The following KIF16B variants were observed in gnomAD, a reference collection of about 807,000 sequenced individuals.
KIF16B encodes the protein kinesin-like protein KIF16B.
In KIF16B, 98 loss-of-function variants were observed where a neutral mutation model predicts 156.3. The observed-to-expected ratio is 0.63, with a 90% CI of 0.53 to 0.74. The LOEUF is 0.74. Ranked by LOEUF, KIF16B falls within the 30% of genes least tolerant of loss-of-function variation. The pLI, the probability that KIF16B is intolerant of heterozygous loss-of-function variation, is 0.00. For missense variants in KIF16B, 1,421 were observed against 1,606.5 expected, an observed-to-expected ratio of 0.88 and a Z score of 1.97; for synonymous variants, 564 against 583.7, an observed-to-expected ratio of 0.97 and a Z score of 0.49.
chr20:16,300,494 TTTTC>T (rs1181665601), intron 25 of KIF16B, among the ~76,000 whole-genome samples: 7 of 152,264 alleles, frequency 4.6e-5, no homozygotes, highest in East Asian at 1.9e-4. Context: ...CTCTTCTTCT[TTTTC>T]TTTCTTTTTT....
intron 23 of KIF16B, among the ~76,000 whole-genome samples, chr20:16,351,442 A>G (rs1427838285): frequency 6.6e-6 from 1 of 152,224 alleles, no homozygotes; most frequent in Non-Finnish European, 1.5e-5. Flanking sequence ...AACTGATGCC[A>G]CGTGTCAGTG....
chr20:16,464,932 T>C (rs1169064957), intron 12 of KIF16B, among the ~76,000 whole-genome samples: 2 of 152,024 alleles, frequency 1.3e-5, no homozygotes, highest in East Asian at 1.9e-4. Context: ...GGAGATCAGA[T>C]GGGGTGAACT....
rs897147065 is a variant in KIF16B at position 16,548,191 on chromosome 20, G to A, written c.48-19751C>T. ...AGAACTGACCAAGGCTTTGACAACC[G>A]CTCAGCCTCTGTCTACTCATCCATA... On this transcript the variant is annotated intron_variant, in intron 1 of 25. Coordinates refer to ENST00000354981, the MANE Select transcript of KIF16B (RefSeq NM_024704.5). Among the ~76,000 whole-genome samples the A allele has an allele frequency of 5.9e-5, 9 of 152,246 alleles. No individual in the cohort carries two copies. The South Asian group carries it at 1.5e-3, about 25-fold the overall frequency.
At chr20:16,312,775 CTTT>C (rs11087165) in intron 24 of KIF16B, among the ~76,000 whole-genome samples, 2 of 145,478 alleles carry the variant, frequency 1.4e-5, no homozygotes, top group Non-Finnish European at 1.5e-5. Flanking sequence ...TCCTCCCACC[CTTT>C]TTTTTTTTTT....
chr20:16,470,844 A>ATT (rs60009407), intron 12 of KIF16B, among the ~76,000 whole-genome samples: 4 of 149,340 alleles, frequency 2.7e-5, no homozygotes, highest in Admixed American at 1.3e-4. Flanking sequence ...AATAAGATTG[A>ATT]TTTTTTTTTT....
At chr20:16,429,491 A>G (rs995956634) in intron 13 of KIF16B, among the ~76,000 whole-genome samples, 1 of 152,150 alleles carries the variant, frequency 6.6e-6, no homozygotes, top group Non-Finnish European at 1.5e-5. Context: ...CCAATAATGC[A>G]GGTGAGAAGC....
intron 12 of KIF16B, among the ~76,000 whole-genome samples, chr20:16,437,994 A>T (rs1227529010): frequency 3.1e-4 from 46 of 148,354 alleles, no homozygotes; most frequent in Non-Finnish European, 5.4e-4. Flanking sequence ...AATAATAAAA[A>T]AAAAAAAACA....
At position 16,573,285 on chromosome 20, in the gene KIF16B, C is replaced by T; in HGVS notation, c.-10G>A. ...CCTTGACCGATGCCATCGCTCATCC[C>T]GAACCAGCCCGCGCGGGGTCCCACT... On this transcript the variant is annotated 5_prime_UTR_variant, in exon 1 of 26. Transcript: ENST00000354981. 1 of 1,609,768 alleles carries T rather than the reference C, an allele frequency of 6.2e-7. No individual in the cohort carries two copies. The highest frequency in any genetic ancestry group is 1.7e-4 in the Middle Eastern group (1 of 6,022).
At chr20:16,547,177 C>G (rs1468098660) in intron 1 of KIF16B, among the ~76,000 whole-genome samples, 1 of 152,194 alleles carries the variant, frequency 6.6e-6, no homozygotes, top group East Asian at 1.9e-4. Flanking sequence ...CCTTCCTGTC[C>G]CATGCTCAGC....
intron 3 of KIF16B, among the ~76,000 whole-genome samples, chr20:16,523,472 T>C (rs1454846897): frequency 6.6e-6 from 1 of 152,080 alleles, no homozygotes; most frequent in Non-Finnish European, 1.5e-5. Flanking sequence ...GAATACAACT[T>C]ACAAGGGATG....
intron 12 of KIF16B, among the ~76,000 whole-genome samples, chr20:16,446,762 C>T (rs1197030150): frequency 1.3e-5 from 2 of 152,070 alleles, no homozygotes; most frequent in Admixed American, 6.6e-5. Context: ...TATTTAAATC[C>T]TAGGTATTGT....
chr20:16,413,559 A>G (rs1337683945), intron 15 of KIF16B, among the ~76,000 whole-genome samples: 1 of 152,136 alleles, frequency 6.6e-6, no homozygotes, highest in Non-Finnish European at 1.5e-5. Flanking sequence ...ATTTTGGGTT[A>G]CAAATACTAC....
intron 12 of KIF16B, among the ~76,000 whole-genome samples, chr20:16,466,503 G>A (rs1025540044): frequency 2.6e-5 from 4 of 152,224 alleles, no homozygotes; most frequent in East Asian, 1.9e-4. Flanking sequence ...TTCTCTTGAC[G>A]GTGAATAAGT....
chr20:16,378,256 G>A (rs1343209047), intron 19 of KIF16B, among the ~76,000 whole-genome samples: 3 of 151,776 alleles, frequency 2.0e-5, no homozygotes, highest in African/African-American at 7.3e-5. Flanking sequence ...TGAGGGAGGA[G>A]GGAAGAAAAT....
chr20:16,518,984 C>G (rs186945310), intron 3 of KIF16B, among the ~76,000 whole-genome samples: 1 of 152,288 alleles, frequency 6.6e-6, no homozygotes, highest in East Asian at 1.9e-4. Context: ...ATCTCCAGCA[C>G]CCGTACAGCC....
Position 16,430,050 on chromosome 20 carries a change from T to G in KIF16B, c.1303-68A>C, listed in dbSNP as rs2066458027. 2.7e-6 allele frequency: 4 copies of G among 1,456,084 alleles called. No homozygotes were observed. In the Admixed American group the frequency reaches 9.0e-5, roughly 33 times the overall value. The allele number at this position is 1,456,084 out of a possible 1,614,324, so 90.2% of individuals were successfully genotyped here. On this transcript the variant is annotated intron_variant, in intron 12 of 25. Transcript: ENST00000354981. ...AAAGAGAACTTCAAATTAGGTGTTC[T>G]TCAGATTGTCAGAATGGGCAATATT...
chr20:16,457,324 A>C (rs780193295), intron 12 of KIF16B, among the ~76,000 whole-genome samples: 2 of 152,208 alleles, frequency 1.3e-5, no homozygotes, highest in South Asian at 2.1e-4. Context: ...TATTCTGAAA[A>C]GGACAAAAAA....
chr20:16,283,711 C>G (rs1326801524), intron 25 of KIF16B, among the ~76,000 whole-genome samples: 1 of 152,190 alleles, frequency 6.6e-6, no homozygotes, highest in Non-Finnish European at 1.5e-5. Flanking sequence ...TTCATTAGCT[C>G]ATGGTTCTGT....
At chr20:16,369,448 A>C (rs2064762852) in intron 22 of KIF16B, among the ~76,000 whole-genome samples, 1 of 126,912 alleles carries the variant, frequency 7.9e-6, no homozygotes, top group Non-Finnish European at 1.6e-5. Flanking sequence ...CATACATAGA[A>C]CATCAATTTT....
Sources: gnomAD v4.1 joint callset for allele counts (sites outside exome capture counted in the v4.1 genomes callset) on GRCh38, gnomAD v4.1.1 for gene constraint, MANE v1.5 for transcripts, NCBI Gene and HGNC (gene_info 2026-07-23, HGNC 2026-07-21) for gene names.